PTPRT: variants seen among roughly 807,000 people sequenced by gnomAD.
PTPRT encodes the protein protein tyrosine phosphatase receptor type T, also known as receptor-type tyrosine-protein phosphatase T.
Under a neutral mutation model 176.8 loss-of-function variants are expected in PTPRT, and 56 were observed. The ratio of observed to expected loss-of-function variants is 0.32; its 90% CI spans 0.26 to 0.40. PTPRT has a LOEUF of 0.40. PTPRT is among the 10% of genes least tolerant of loss of function. PTPRT has a pLI of 1.00. For synonymous variants in PTPRT, 783 were observed against 739.0 expected (o/e 1.06, Z -0.96); for missense variants, 1,540 against 1,908.2 (o/e 0.81, Z 3.60).
chr20:42,627,067 T>C (rs1006654294), intron 7 of PTPRT, among the ~76,000 whole-genome samples: 51 of 152,340 alleles, frequency 3.3e-4, no homozygotes, highest in African/African-American at 1.2e-3. Flanking sequence ...ATGAACATAC[T>C]GCTGAAAGCA....
chr20:42,914,629 A>G (rs534100139), intron 1 of PTPRT, among the ~76,000 whole-genome samples: 20 of 152,356 alleles, frequency 1.3e-4, no homozygotes, highest in African/African-American at 4.6e-4. Context: ...ATCCTGGAAC[A>G]GCCAAAACTA....
chr20:43,112,857 G>A (rs1177173391), intron 1 of PTPRT, among the ~76,000 whole-genome samples: 1 of 150,288 alleles, frequency 6.7e-6, no homozygotes. Context: ...AACGTATCTC[G>A]TGGGGTTTTG....
intron 6 of PTPRT, among the ~76,000 whole-genome samples, chr20:42,742,335 G>A (rs2076623637): frequency 6.6e-6 from 1 of 152,214 alleles, no homozygotes; most frequent in South Asian, 2.1e-4. Flanking sequence ...GTAACAGACA[G>A]AGCCTCCCTG....
rs147645563 is a variant in PTPRT, at chr20:42,300,976, G to A, written c.2139+14747C>T. 6.6e-3 allele frequency among the ~76,000 whole-genome samples: 996 copies of A among 151,304 alleles called. 13 individuals are homozygous for A. The highest frequency in any genetic ancestry group is 0.023 in the African/African-American group (936 of 41,198). Reference sequence around the variant, plus strand: ...TCTGTTGTTGGGTGGGGGGAAGGGGGAGGGATAGCATTGGGAGATATACCT... The same window carrying A: ...TCTGTTGTTGGGTGGGGGGAAGGGGAAGGGATAGCATTGGGAGATATACCT... On this transcript the variant is annotated intron_variant, in intron 12 of 30. Coordinates refer to ENST00000373187, the MANE Select transcript of PTPRT (RefSeq NM_007050.6).
intron 1 of PTPRT, among the ~76,000 whole-genome samples, chr20:42,982,156 T>C (rs534764867): frequency 7.2e-5 from 11 of 152,318 alleles, no homozygotes; most frequent in Middle Eastern, 3.4e-3. Flanking sequence ...CTGAAAGACC[T>C]TCGTTAGGTT....
chr20:43,079,180 C>T, intron 1 of PTPRT, among the ~76,000 whole-genome samples: 1 of 129,228 alleles, frequency 7.7e-6, no homozygotes, highest in Admixed American at 8.0e-5. Flanking sequence ...CTCTCCCTCC[C>T]CCCCCCCAGC....
Position 42,472,334 on chromosome 20 carries a change from C to T in PTPRT, c.1382G>A (p.Arg461Gln), listed in dbSNP as rs1259827929. 4.3e-6 allele frequency: 7 copies of T among 1,614,094 alleles called. No individual in the cohort carries two copies. The highest frequency in any genetic ancestry group is 1.3e-5 in the African/African-American group (1 of 74,946). The change falls in exon 8 of 31, where the codon CGA becomes CAA. Residue 461 changes from arginine (R) to glutamine (Q), a missense_variant. Around this residue, in one of 11 missense-constraint regions of PTPRT, gnomAD observed 79 missense variants for 80.0 expected, o/e 0.99. Transcript: ENST00000373187. ...GCCCTCGGGGTTAGACAGCAAGAGT[C>T]GCAGCCGGATGGTCATGAAGGGGCG... is the stretch of plus-strand genomic sequence containing the variant. The part of the protein sequence containing the change: ...GLRPFMTIRL[R>Q]LLLSNPEGRM...
intron 1 of PTPRT, among the ~76,000 whole-genome samples, chr20:42,941,089 A>T (rs1474599240): frequency 1.4e-5 from 2 of 147,834 alleles, no homozygotes; most frequent in Non-Finnish European, 3.0e-5. Context: ...CTCAAAAAAA[A>T]ATAATAATAA....
At chr20:42,819,763 G>C (rs2077857730) in intron 2 of PTPRT, among the ~76,000 whole-genome samples, 1 of 151,920 alleles carries the variant, frequency 6.6e-6, no homozygotes, top group Non-Finnish European at 1.5e-5. Context: ...AAAAAAGCAG[G>C]GGTTGCAATC....
At chr20:42,491,598 C>G (rs970966311) in intron 7 of PTPRT, among the ~76,000 whole-genome samples, 2 of 152,130 alleles carry the variant, frequency 1.3e-5, no homozygotes, top group African/African-American at 4.8e-5. Context: ...TCCCGTCCGT[C>G]TGCCATGTAA....
chr20:42,593,058 A>G (rs910926851), intron 7 of PTPRT, among the ~76,000 whole-genome samples: 1 of 152,188 alleles, frequency 6.6e-6, no homozygotes, highest in South Asian at 2.1e-4. Flanking sequence ...TCTTCCGACT[A>G]AGTAATAGGG....
intron 11 of PTPRT, among the ~76,000 whole-genome samples, chr20:42,317,129 A>G (rs2057732096): frequency 6.6e-6 from 1 of 152,232 alleles, no homozygotes; most frequent in African/African-American, 2.4e-5. Context: ...TTGAAAGCAA[A>G]CATGAAACCA....
At chr20:42,631,490 G>A (rs570066861) in intron 7 of PTPRT, among the ~76,000 whole-genome samples, 3 of 152,146 alleles carry the variant, frequency 2.0e-5, no homozygotes, top group Non-Finnish European at 4.4e-5. Flanking sequence ...AGTGGTTTCC[G>A]TGGGGTCAAC....
At chr20:42,116,199 C>A (rs1987275184) in intron 21 of PTPRT, 1 of 676,482 alleles carries the variant, frequency 1.5e-6, no homozygotes, top group East Asian at 2.7e-5. Context: ...GTTAAATAGG[C>A]AGCTTTGCTA....
At chr20:42,127,769 T>C (rs1345032675) in intron 19 of PTPRT, among the ~76,000 whole-genome samples, 2 of 152,222 alleles carry the variant, frequency 1.3e-5, no homozygotes, top group African/African-American at 2.4e-5. Context: ...CTCACTTCCA[T>C]GCATACCCTT....
intron 7 of PTPRT, among the ~76,000 whole-genome samples, chr20:42,554,859 G>A (rs549629316): frequency 6.6e-6 from 1 of 152,178 alleles, no homozygotes; most frequent in Admixed American, 6.5e-5. Context: ...GGTGAGGCAA[G>A]TTGGGGAGTT....
intron 2 of PTPRT, among the ~76,000 whole-genome samples, chr20:42,872,124 A>G (rs539055045): frequency 6.6e-6 from 1 of 152,260 alleles, no homozygotes; most frequent in African/African-American, 2.4e-5. Flanking sequence ...ATTTTAAAAG[A>G]TATTGGCAGA....
Position 42,868,743 on chromosome 20 carries a change from C to T in PTPRT, c.214+17064G>A, listed in dbSNP as rs74929983. On this transcript the variant is annotated intron_variant, in intron 2 of 30. Transcript: ENST00000373187. ...TATCAAGACAATGAAAGAATGACTC[C>T]GAAGGCATTTCAAAGATCTCTAAAG... Among the ~76,000 whole-genome samples, 43 of 152,202 alleles carry T rather than the reference C, an allele frequency of 2.8e-4. 1 individual carries two copies. In the East Asian group the frequency reaches 8.1e-3, roughly 29 times the overall value.
At chr20:42,600,982 G>C (rs1028737185) in intron 7 of PTPRT, among the ~76,000 whole-genome samples, 1 of 152,110 alleles carries the variant, frequency 6.6e-6, no homozygotes, top group African/African-American at 2.4e-5. Context: ...CCTCTGTCCT[G>C]AGTCAATGTC....
Sources: gnomAD v4.1 joint callset for allele counts (sites outside exome capture counted in the v4.1 genomes callset) on GRCh38, gnomAD v4.1.1 for gene constraint, gnomAD v4.1.1 regional missense constraint, MANE v1.5 for transcripts, NCBI Gene and HGNC (gene_info 2026-07-23, HGNC 2026-07-21) for gene names.